Variants in SYT1 observed in about 807,000 individuals in gnomAD.
The protein encoded by SYT1 is synaptotagmin 1.
In SYT1, 8 loss-of-function variants were observed where a neutral mutation model predicts 44.8. The ratio of observed to expected loss-of-function variants is 0.18; its 90% confidence interval spans 0.10 to 0.32. The LOEUF (loss-of-function observed/expected upper bound fraction) is 0.32, where lower values mean the gene tolerates loss of function less well. Ranked by LOEUF, SYT1 falls within the 10% of genes least tolerant of loss-of-function variation. SYT1 has a pLI of 1.00. For synonymous variants in SYT1, 154 were observed against 188.8 expected (o/e 0.82, Z 1.51); for missense variants, 286 against 509.3 (o/e 0.56, Z 4.22).
intron 2 of SYT1, among the ~76,000 whole-genome samples, chr12:79,040,144 G>A (rs1337938944): frequency 6.6e-6 from 1 of 151,974 alleles, no homozygotes; most frequent in East Asian, 1.9e-4. Context: ...ACCCAGTAAT[G>A]GGATGGCTGG....
Position 79,030,604 on chromosome 12 carries a change from G to A in SYT1, c.-83-16693G>A, listed in dbSNP as rs73351472. On this transcript the variant is annotated intron_variant, in intron 2 of 10. Transcript: ENST00000261205. ...TCTCCTTTTCCCACTCCATCTTCTG[G>A]ATTAAAAATTCTTGAAAGCAGAAAT... Among the ~76,000 whole-genome samples, 1,485 of 150,934 alleles carry A rather than the reference G, an allele frequency of 9.8e-3. 32 individuals carry two copies. Among genetic ancestry groups the A allele is most frequent in the African/African-American group, 0.034 (1,408 of 41,344 alleles).
At chr12:79,353,981 A>G (rs942151081) in intron 9 of SYT1, among the ~76,000 whole-genome samples, 2 of 152,226 alleles carry the variant, frequency 1.3e-5, no homozygotes, top group Non-Finnish European at 2.9e-5. Flanking sequence ...CACGATATAA[A>G]AAACAATGTT....
intron 8 of SYT1, among the ~76,000 whole-genome samples, chr12:79,334,251 A>C (rs1881986513): frequency 6.6e-6 from 1 of 151,594 alleles, no homozygotes. Flanking sequence ...CCTTTCCCAC[A>C]GTTAAAAAAA....
chr12:79,443,681 C>G (rs2244532), intron 9 of SYT1, among the ~76,000 whole-genome samples: 14,336 of 152,220 alleles, frequency 0.094, 2,289 homozygotes, highest in African/African-American at 0.33. Context: ...AAGCCCTTTG[C>G]CAGCTCACAA....
At position 79,004,089 on chromosome 12, in the gene SYT1, A is replaced by G. The variant is rs149614496; in HGVS notation, c.-84+26158A>G. On this transcript the variant is annotated intron_variant, in intron 2 of 10. Transcript: ENST00000261205. ...TCTAATACTCTATCCAAGAAAAGGT[A>G]ATCACATTTAGTTTATATGTATAAG... Among the ~76,000 whole-genome samples the G allele has an allele frequency of 2.4e-3, 363 of 152,074 alleles. 2 individuals are homozygous for G. The highest frequency in any genetic ancestry group is 3.8e-3 in the Non-Finnish European group (261 of 67,886).
intron 1 of SYT1, among the ~76,000 whole-genome samples, chr12:78,922,204 C>T (rs781146914): frequency 6.6e-5 from 10 of 151,912 alleles, no homozygotes; most frequent in Non-Finnish European, 1.0e-4. Context: ...ACACTAAGCA[C>T]AGGAGACTGT....
At chr12:79,279,440 T>C (rs1878922752) in intron 4 of SYT1, among the ~76,000 whole-genome samples, 1 of 151,940 alleles carries the variant, frequency 6.6e-6, no homozygotes, top group African/African-American at 2.4e-5. Flanking sequence ...TTCAATAAAA[T>C]CTAGCATCTC....
intron 9 of SYT1, among the ~76,000 whole-genome samples, chr12:79,361,868 A>C (rs2136026101): frequency 6.6e-6 from 1 of 152,344 alleles, no homozygotes; most frequent in South Asian, 2.1e-4. Flanking sequence ...TTTTACCTAC[A>C]ACTAAATTTT....
chr12:78,902,938 G>A (rs986217187), intron 1 of SYT1, among the ~76,000 whole-genome samples: 3 of 152,066 alleles, frequency 2.0e-5, no homozygotes, highest in Admixed American at 6.6e-5. Flanking sequence ...ATGTACTAAA[G>A]CAAGGGTCTT....
At chr12:78,963,363 C>T (rs373361608) in intron 1 of SYT1, among the ~76,000 whole-genome samples, 44 of 152,000 alleles carry the variant, frequency 2.9e-4, no homozygotes, top group South Asian at 1.5e-3. Context: ...GTAAAGGAAA[C>T]GATGGCGTGA....
At chr12:78,969,570 G>T (rs1364529842) in intron 1 of SYT1, among the ~76,000 whole-genome samples, 1 of 152,174 alleles carries the variant, frequency 6.6e-6, no homozygotes, top group Non-Finnish European at 1.5e-5. Context: ...AGGGGATCAG[G>T]ATAGGAATAA....
chr12:79,303,958 C>A (rs780272457), intron 8 of SYT1, among the ~76,000 whole-genome samples: 1 of 152,142 alleles, frequency 6.6e-6, no homozygotes, highest in Non-Finnish European at 1.5e-5. Context: ...GATTGGAAAT[C>A]CTTATAAAAG....
intron 8 of SYT1, among the ~76,000 whole-genome samples, chr12:79,300,789 T>TCATATA (rs1555215390): frequency 1.1e-5 from 1 of 89,624 alleles, no homozygotes; most frequent in African/African-American, 4.1e-5. Context: ...TGTATACTTA[T>TCATATA]TATATATATA....
chr12:79,029,908 T>C (rs1456005447), intron 2 of SYT1, among the ~76,000 whole-genome samples: 1 of 151,088 alleles, frequency 6.6e-6, no homozygotes, highest in Non-Finnish European at 1.5e-5. Context: ...TTAGTTTTTA[T>C]GTCAGACTTG....
intron 2 of SYT1, among the ~76,000 whole-genome samples, chr12:78,979,788 G>A (rs1869110761): frequency 6.6e-6 from 1 of 151,968 alleles, no homozygotes; most frequent in African/African-American, 2.4e-5. Context: ...AACAATGAAT[G>A]ATAGTTATAA....
At chr12:78,932,841 A>G (rs1411242597) in intron 1 of SYT1, among the ~76,000 whole-genome samples, 1 of 152,218 alleles carries the variant, frequency 6.6e-6, no homozygotes, top group African/African-American at 2.4e-5. Context: ...CAGTTCTTGT[A>G]TTAAAATAAT....
intron 4 of SYT1, among the ~76,000 whole-genome samples, chr12:79,219,369 C>A (rs2141087): frequency 0.039 from 5,905 of 151,930 alleles, 247 homozygotes; most frequent in East Asian, 0.12. Context: ...TAATCCCATT[C>A]GTCTATTTGC....
At chr12:78,919,080 G>A (rs985956060) in intron 1 of SYT1, among the ~76,000 whole-genome samples, 3 of 152,088 alleles carry the variant, frequency 2.0e-5, no homozygotes, top group East Asian at 3.9e-4. Flanking sequence ...CAGAGTTATT[G>A]ATGACTTTTC....
intron 4 of SYT1, among the ~76,000 whole-genome samples, chr12:79,284,604 G>A (rs1035680258): frequency 7.9e-5 from 12 of 152,044 alleles, no homozygotes; most frequent in Admixed American, 3.9e-4. Flanking sequence ...TTGCAAGGCC[G>A]AGGCAGGTGG....
Sources: allele counts gnomAD v4.1 joint callset (sites outside exome capture counted in the v4.1 genomes callset), GRCh38; gene constraint gnomAD v4.1.1; transcripts MANE v1.5; gene names NCBI Gene and HGNC (gene_info 2026-07-23, HGNC 2026-07-21).